The following GNAL variants were observed in gnomAD, a reference collection of about 807,000 sequenced individuals.
The protein encoded by GNAL is guanine nucleotide-binding protein G(olf) subunit alpha.
GNAL carries 18 observed loss-of-function variants against 55.1 expected under a neutral mutation model. The observed-to-expected ratio is 0.33, with a 90% CI of 0.23 to 0.48. The LOEUF is 0.48. GNAL is among the 20% of genes least tolerant of loss of function. The pLI is 0.99. For missense variants in GNAL, 412 were observed against 614.1 expected, an observed-to-expected ratio of 0.67 and a Z score of 3.48; for synonymous variants, 253 against 237.0, an observed-to-expected ratio of 1.07 and a Z score of -0.62.
intron 1 of GNAL, among the ~76,000 whole-genome samples, chr18:11,714,941 G>T (rs1299648797): frequency 1.3e-5 from 2 of 151,958 alleles, no homozygotes; most frequent in Non-Finnish European, 2.9e-5. Context: ...CAGAGTTCAA[G>T]GCCAGCCTGG....
chr18:11,864,578 C>T lies in GNAL; in HGVS notation c.823C>T (p.Arg275Ter). 1.9e-6 allele frequency: 3 copies of T among 1,586,640 alleles called. No homozygotes were observed. Among genetic ancestry groups the T allele is most frequent in the Non-Finnish European group, 2.6e-6 (3 of 1,154,978 alleles). ...TCTGACATCTGGGATTTTTGAGACACGATTCCAAGTGGACAAAGTAAACTT... is the reference window on the plus strand; with the variant it reads ...TCTGACATCTGGGATTTTTGAGACATGATTCCAAGTGGACAAAGTAAACTT... ...RVLTSGIFET[R>*]FQVDKVNFHM... The change falls in exon 7 of 12, where the codon CGA (arginine) becomes TGA (stop). Residue 275 changes from arginine (R) to a stop codon, truncating the protein, a stop_gained. Coordinates refer to ENST00000334049, the MANE Select transcript of GNAL (RefSeq NM_182978.4). LOFTEE classifies it high-confidence loss of function.
intron 4 of GNAL, among the ~76,000 whole-genome samples, chr18:11,796,373 C>T (rs1003669009): frequency 1.3e-5 from 2 of 151,878 alleles, no homozygotes; most frequent in Admixed American, 6.6e-5. Context: ...GTCGGGAGAT[C>T]GGGACCATCC....
chr18:11,842,295 T>C (rs938814153), intron 5 of GNAL, among the ~76,000 whole-genome samples: 1 of 152,110 alleles, frequency 6.6e-6, no homozygotes, highest in Non-Finnish European at 1.5e-5. Flanking sequence ...TCAGATATCT[T>C]ATATCTAATG....
intron 4 of GNAL, among the ~76,000 whole-genome samples, chr18:11,778,489 A>G (rs1407780773): frequency 6.6e-6 from 1 of 152,144 alleles, no homozygotes; most frequent in Non-Finnish European, 1.5e-5. Flanking sequence ...GTTACAGAGA[A>G]ACACCACAAA....
At chr18:11,772,009 C>T (rs2033650950) in intron 4 of GNAL, among the ~76,000 whole-genome samples, 1 of 152,164 alleles carries the variant, frequency 6.6e-6, no homozygotes, top group African/African-American at 2.4e-5. Context: ...GTGCCCCGCC[C>T]CTGTGTGCAA....
At chr18:11,787,747 G>T (rs1000701759) in intron 4 of GNAL, among the ~76,000 whole-genome samples, 55 of 151,940 alleles carry the variant, frequency 3.6e-4, no homozygotes, top group African/African-American at 1.3e-3. Flanking sequence ...GGTGGCGGGT[G>T]CCTGTAGTCC....
intron 4 of GNAL, among the ~76,000 whole-genome samples, chr18:11,801,045 T>G (rs1034475364): frequency 4.6e-5 from 7 of 152,196 alleles, no homozygotes; most frequent in African/African-American, 1.7e-4. Flanking sequence ...TACAACAAAG[T>G]AGGTAGAAGA....
intron 4 of GNAL, among the ~76,000 whole-genome samples, chr18:11,755,954 A>AT (rs2033042383): frequency 6.6e-6 from 1 of 152,346 alleles, no homozygotes; most frequent in Non-Finnish European, 1.5e-5. Context: ...AGATTTAGAC[A>AT]TTTATAGAAA....
At chr18:11,777,799 GGAGACATAC>G (rs2033824842) in intron 4 of GNAL, among the ~76,000 whole-genome samples, 1 of 152,156 alleles carries the variant, frequency 6.6e-6, no homozygotes, top group South Asian at 2.1e-4. Flanking sequence ...CCTAAGAGCT[GGAGACATAC>G]GAGCTCCTGG....
intron 4 of GNAL, among the ~76,000 whole-genome samples, chr18:11,793,081 C>T (rs1390818624): frequency 6.6e-6 from 1 of 152,160 alleles, no homozygotes; most frequent in East Asian, 1.9e-4. Flanking sequence ...GGTAAATCTT[C>T]ATGATCTTGG....
At chr18:11,754,374 G>A (rs931958965) in intron 4 of GNAL, among the ~76,000 whole-genome samples, 6 of 151,006 alleles carry the variant, frequency 4.0e-5, no homozygotes, top group African/African-American at 7.3e-5. Flanking sequence ...CCGAGATCAC[G>A]CCACTGCACT....
At chr18:11,852,040 G>C (rs1262309666) in intron 5 of GNAL, 1 of 1,613,634 alleles carries the variant, frequency 6.2e-7, no homozygotes, top group African/African-American at 1.3e-5. Flanking sequence ...CGGCTCCGTG[G>C]GCACGAGCGT....
intron 4 of GNAL, among the ~76,000 whole-genome samples, chr18:11,797,721 T>A (rs761806446): frequency 6.7e-6 from 1 of 150,206 alleles, no homozygotes; most frequent in Non-Finnish European, 1.5e-5. Context: ...ATCATGCCAT[T>A]GCACTCCCCT....
chr18:11,807,337 G>A (rs2034691402), intron 4 of GNAL, among the ~76,000 whole-genome samples: 1 of 152,236 alleles, frequency 6.6e-6, no homozygotes, highest in African/African-American at 2.4e-5. Context: ...GGACTGTGGT[G>A]AGAAGGGTGG....
intron 1 of GNAL, among the ~76,000 whole-genome samples, chr18:11,702,605 G>A (rs752296245): frequency 6.6e-6 from 1 of 152,154 alleles, no homozygotes; most frequent in African/African-American, 2.4e-5. Context: ...GTTCTGTCAG[G>A]CTTCAGTCTA....
intron 1 of GNAL, among the ~76,000 whole-genome samples, chr18:11,714,676 T>A (rs1438904150): frequency 6.6e-6 from 1 of 152,194 alleles, no homozygotes; most frequent in African/African-American, 2.4e-5. Flanking sequence ...CACAAAGAAT[T>A]TCCTTGTGAG....
chr18:11,752,357 A>C lies in GNAL; in HGVS notation c.377-496A>C. The C allele has an allele frequency of 6.6e-7, 1 of 1,512,352 alleles. No individual in the cohort carries two copies. Among genetic ancestry groups the C allele is most frequent in the Non-Finnish European group, 8.8e-7 (1 of 1,134,690 alleles). 93.7% of individuals were successfully genotyped at this position (1,512,352 alleles called of 1,614,324 possible). Reference sequence around the variant, plus strand: ...CAGGAAAGAGAGGAGCCGTCGCAGGAGCCGCACACGTCTCCAACTCTCTAT... The same window carrying C: ...CAGGAAAGAGAGGAGCCGTCGCAGGCGCCGCACACGTCTCCAACTCTCTAT... On this transcript the variant is annotated intron_variant, in intron 1 of 11. Transcript: ENST00000334049. This position sits in a 1 kb window ranked among gnomAD's most constrained non-coding sequence, Gnocchi z 4.5.
intron 4 of GNAL, among the ~76,000 whole-genome samples, chr18:11,781,304 T>G (rs1010677859): frequency 6.6e-6 from 1 of 152,190 alleles, no homozygotes; most frequent in African/African-American, 2.4e-5. Flanking sequence ...CTCTTAAATT[T>G]CCTTTGTATT....
chr18:11,750,941 G>C (rs1339568129), intron 1 of GNAL, among the ~76,000 whole-genome samples: 1 of 152,122 alleles, frequency 6.6e-6, no homozygotes, highest in Non-Finnish European at 1.5e-5. Context: ...GAGGGGCGAA[G>C]GTCCACAGGG....
Sources: gnomAD v4.1 joint callset for allele counts (sites outside exome capture counted in the v4.1 genomes callset) on GRCh38, gnomAD v4.1.1 for gene constraint, Gnocchi (gnomAD v3.1) non-coding constraint, MANE v1.5 for transcripts, NCBI Gene and HGNC (gene_info 2026-07-23, HGNC 2026-07-21) for gene names.